MYO1D: variants seen among roughly 807,000 people sequenced by gnomAD.
The protein encoded by MYO1D is unconventional myosin-Id.
In MYO1D, 83 loss-of-function variants were observed where a neutral mutation model predicts 122.0. That is an observed-to-expected ratio of 0.68 (90% CI 0.57 to 0.82). MYO1D has a LOEUF of 0.82. Among genes scored for constraint, MYO1D ranks in the 40% least tolerant of loss-of-function variants. The pLI, the probability that MYO1D is intolerant of heterozygous loss-of-function variation, is 0.00. For missense variants in MYO1D, 1,157 were observed against 1,269.5 expected, an observed-to-expected ratio of 0.91 and a Z score of 1.35; for synonymous variants, 464 against 446.9, an observed-to-expected ratio of 1.04 and a Z score of -0.48.
At chr17:32,747,992 C>A (rs946048486) in intron 12 of MYO1D, among the ~76,000 whole-genome samples, 15 of 152,154 alleles carry the variant, frequency 9.9e-5, no homozygotes, top group Non-Finnish European at 1.5e-5. Flanking sequence ...TCTACAGGAA[C>A]CTCCAGAGAG....
chr17:32,755,382 C>G lies in MYO1D; in HGVS notation c.1467+110G>C, dbSNP rs1041982627. On this transcript the variant is annotated intron_variant, in intron 11 of 21. Transcript: ENST00000318217. ...TAATGAATGTTTATGACTTTTCTTT[C>G]TTATTAAAGGGGACATTCTTTTATC... 6.8e-6 allele frequency: 8 copies of G among 1,171,810 alleles called. No homozygotes were observed. In the Admixed American group the frequency reaches 2.0e-4, roughly 29 times the overall value. 72.6% of individuals were successfully genotyped at this position (1,171,810 alleles called of 1,614,324 possible).
chr17:32,589,708 G>A (rs530599464), intron 21 of MYO1D, among the ~76,000 whole-genome samples: 2 of 152,244 alleles, frequency 1.3e-5, no homozygotes, highest in South Asian at 2.1e-4. Flanking sequence ...CTTTAACTTC[G>A]TGCTTCCTTG....
At chr17:32,619,321 T>A (rs2087823153) in intron 20 of MYO1D, among the ~76,000 whole-genome samples, 1 of 152,218 alleles carries the variant, frequency 6.6e-6, no homozygotes, top group African/African-American at 2.4e-5. Context: ...GGGAATGAGA[T>A]AATCAAATTC....
intron 21 of MYO1D, 106 bp from the exon 22 acceptor site, chr17:32,495,021 T>G: frequency 7.5e-7 from 1 of 1,342,032 alleles, no homozygotes; most frequent in African/African-American, 1.5e-5. Flanking sequence ...GCCTGCTTCC[T>G]CCACAAGTGC....
chr17:32,524,176 G>A (rs1053176343), intron 21 of MYO1D, among the ~76,000 whole-genome samples: 4 of 152,106 alleles, frequency 2.6e-5, no homozygotes, highest in African/African-American at 9.7e-5. Context: ...TTTTCTCTGG[G>A]GCTGAATGAA....
chr17:32,689,828 C>T (rs1468318624), intron 16 of MYO1D, among the ~76,000 whole-genome samples: 1 of 151,970 alleles, frequency 6.6e-6, no homozygotes, highest in Non-Finnish European at 1.5e-5. Flanking sequence ...AAGCAATTCT[C>T]CTGCCTCAGC....
intron 1 of MYO1D, among the ~76,000 whole-genome samples, chr17:32,834,856 A>C (rs1435112737): frequency 6.6e-6 from 1 of 152,188 alleles, no homozygotes; most frequent in Non-Finnish European, 1.5e-5. Flanking sequence ...TACTAAAAAT[A>C]CAAAAATTAG....
At chr17:32,619,719 T>C (rs2087830152) in intron 20 of MYO1D, among the ~76,000 whole-genome samples, 1 of 152,214 alleles carries the variant, frequency 6.6e-6, no homozygotes, top group African/African-American at 2.4e-5. Flanking sequence ...AAGCTCTATA[T>C]TATCTATTTT....
At chr17:32,723,003 G>A (rs1297081148) in intron 14 of MYO1D, among the ~76,000 whole-genome samples, 3 of 152,118 alleles carry the variant, frequency 2.0e-5, no homozygotes, top group Non-Finnish European at 2.9e-5. Flanking sequence ...CAAAGATTTA[G>A]TCAATCATGC....
chr17:32,565,554 T>A (rs985357178), intron 21 of MYO1D, among the ~76,000 whole-genome samples: 1 of 152,332 alleles, frequency 6.6e-6, no homozygotes, highest in Non-Finnish European at 1.5e-5. Context: ...AGTCTTCATA[T>A]GGCCGGTGAC....
intron 14 of MYO1D, among the ~76,000 whole-genome samples, chr17:32,722,876 C>G (rs1416573336): frequency 6.6e-6 from 1 of 152,098 alleles, no homozygotes; most frequent in Non-Finnish European, 1.5e-5. Flanking sequence ...AGCTGGGCAT[C>G]TAGATAGCTT....
chr17:32,646,452 T>C (rs894830769), intron 19 of MYO1D, among the ~76,000 whole-genome samples: 1 of 150,950 alleles, frequency 6.6e-6, no homozygotes, highest in Non-Finnish European at 1.5e-5. Flanking sequence ...TCTGTAAAAA[T>C]ATATATATAT....
In MYO1D at chr17:32,719,479, T is replaced by C. The variant is rs1030142655; in HGVS notation, c.1913+1544A>G. Reference sequence around the variant, plus strand: ...ATTCTCCTGCCTCAGCCTCCCCGAGTAGCTGGGACTACAGGCGCCCGCCAC... The same window carrying C: ...ATTCTCCTGCCTCAGCCTCCCCGAGCAGCTGGGACTACAGGCGCCCGCCAC... On this transcript the variant is annotated intron_variant, in intron 15 of 21. Coordinates refer to ENST00000318217, the MANE Select transcript of MYO1D (RefSeq NM_015194.3). Among the ~76,000 whole-genome samples, 6 of 151,750 alleles carry C rather than the reference T, an allele frequency of 4.0e-5. No individual in the cohort carries two copies. In the East Asian group the frequency reaches 1.2e-3, roughly 29 times the overall value.
chr17:32,716,006 C>T (rs752252583), intron 15 of MYO1D, among the ~76,000 whole-genome samples: 1 of 151,460 alleles, frequency 6.6e-6, no homozygotes. Flanking sequence ...AATTATTTTC[C>T]ATTTCCTTTC....
intron 21 of MYO1D, among the ~76,000 whole-genome samples, chr17:32,579,116 G>C (rs190462083): frequency 6.6e-6 from 1 of 151,906 alleles, no homozygotes; most frequent in Non-Finnish European, 1.5e-5. Flanking sequence ...TCACCCAGGC[G>C]AGAGTGCGGT....
chr17:32,582,713 T>C (rs2087353378), intron 21 of MYO1D, among the ~76,000 whole-genome samples: 1 of 152,248 alleles, frequency 6.6e-6, no homozygotes, highest in Non-Finnish European at 1.5e-5. Context: ...ACTGATTTTC[T>C]ATTGACTTGT....
At chr17:32,637,213 A>G (rs2088112548) in intron 20 of MYO1D, among the ~76,000 whole-genome samples, 1 of 152,190 alleles carries the variant, frequency 6.6e-6, no homozygotes, top group African/African-American at 2.4e-5. Context: ...AACACATACC[A>G]CAATTAATTT....
chr17:32,622,548 T>C (rs1316873609), intron 20 of MYO1D, among the ~76,000 whole-genome samples: 1 of 152,130 alleles, frequency 6.6e-6, no homozygotes, highest in African/African-American at 2.4e-5. Context: ...AAGATGGAGC[T>C]GAGGGTATCA....
chr17:32,579,123 C>T (rs1032670537), intron 21 of MYO1D, among the ~76,000 whole-genome samples: 1 of 152,080 alleles, frequency 6.6e-6, no homozygotes. Context: ...GGCGAGAGTG[C>T]GGTGGAATGG....
Sources: gnomAD v4.1 joint callset for allele counts (sites outside exome capture counted in the v4.1 genomes callset) on GRCh38, gnomAD v4.1.1 for gene constraint, MANE v1.5 for transcripts, NCBI Gene and HGNC (gene_info 2026-07-23, HGNC 2026-07-21) for gene names.